Variants in TRPM7 observed in about 807,000 individuals in gnomAD.
TRPM7 encodes transient receptor potential cation channel subfamily M member 7, also known as LTRPC ion channel family member 7.
A neutral mutation model predicts 229.7 loss-of-function variants in TRPM7; 134 were observed. The observed-to-expected ratio is 0.58, with a 90% CI of 0.51 to 0.67. TRPM7 has a LOEUF of 0.67. Among genes scored for constraint, TRPM7 ranks in the 30% least tolerant of loss-of-function variants. TRPM7 has a pLI of 0.00. For missense variants in TRPM7, 1,901 were observed against 2,210.0 expected, an observed-to-expected ratio of 0.86 and a Z score of 2.80; for synonymous variants, 699 against 715.2, an observed-to-expected ratio of 0.98 and a Z score of 0.36.
chr15:50,662,149 T>C (rs1424962044), intron 2 of TRPM7, among the ~76,000 whole-genome samples: 4 of 152,038 alleles, frequency 2.6e-5, no homozygotes, highest in Non-Finnish European at 4.4e-5. Flanking sequence ...GGTCAGGAGA[T>C]TGAACCATCC....
chr15:50,587,447 C>G (rs78774343), intron 27 of TRPM7, among the ~76,000 whole-genome samples: 3,848 of 114,824 alleles, frequency 0.034, 222 homozygotes, highest in African/African-American at 0.12. Context: ...TGCTCCATCT[C>G]AAAAAAAAAG....
chr15:50,642,368 T>C (rs60438857), intron 5 of TRPM7, among the ~76,000 whole-genome samples: 4,543 of 152,286 alleles, frequency 0.03, 247 homozygotes, highest in African/African-American at 0.1. Flanking sequence ...AAAATAGCCA[T>C]AGACAATATA....
In TRPM7 at chr15:50,665,991, T is replaced by C. The variant is rs201031773; in HGVS notation, c.4-2945A>G. ...CTGGGCAACAGAGCGAGACTCTCTCTCAAAAAATAATAATTTAAAAAAAAG... is the reference window on the plus strand; with the variant it reads ...CTGGGCAACAGAGCGAGACTCTCTCCCAAAAAATAATAATTTAAAAAAAAG... On this transcript the variant is annotated intron_variant, in intron 1 of 38. Coordinates refer to ENST00000646667, the MANE Select transcript of TRPM7 (RefSeq NM_017672.6). Among the ~76,000 whole-genome samples, 7 of 151,588 alleles carry C rather than the reference T, an allele frequency of 4.6e-5. No individual in the cohort carries two copies. In the East Asian group the frequency reaches 1.4e-3, roughly 29 times the overall value.
chr15:50,648,420 C>T (rs1158734406), intron 4 of TRPM7, among the ~76,000 whole-genome samples: 2 of 151,650 alleles, frequency 1.3e-5, no homozygotes, highest in Non-Finnish European at 2.9e-5. Flanking sequence ...AGGTTAAAAC[C>T]GAAAAGGAAG....
At chr15:50,614,685 A>C (rs1249969886) in intron 13 of TRPM7, among the ~76,000 whole-genome samples, 1 of 149,218 alleles carries the variant, frequency 6.7e-6, no homozygotes, top group Non-Finnish European at 1.5e-5. Flanking sequence ...AAAAAAAAAA[A>C]AAAAAGCAGC....
At chr15:50,598,427 T>C (rs1217648113) in intron 22 of TRPM7, among the ~76,000 whole-genome samples, 1 of 152,172 alleles carries the variant, frequency 6.6e-6, no homozygotes, top group East Asian at 1.9e-4. Context: ...GAGAATGTAC[T>C]CACAAGCTGC....
At chr15:50,682,899 C>A in intron 1 of TRPM7, among the ~76,000 whole-genome samples, 1 of 143,360 alleles carries the variant, frequency 7.0e-6, no homozygotes, top group Admixed American at 7.1e-5. Context: ...CGGTACCAAA[C>A]TTTTTTTTTT....
chr15:50,599,362 G>T, intron 21 of TRPM7, 66 bp from the exon 22 acceptor site: 1 of 1,251,326 alleles, frequency 8.0e-7, no homozygotes, highest in Non-Finnish European at 1.1e-6. Flanking sequence ...CTTTCTAAAA[G>T]CTTCTAATGT....
chr15:50,679,987 A>G (rs1567130169), intron 1 of TRPM7, among the ~76,000 whole-genome samples: 1 of 150,980 alleles, frequency 6.6e-6, no homozygotes. Context: ...TAATCCCAGC[A>G]CTTTGGGGGG....
At position 50,611,136 on chromosome 15, in the gene TRPM7, A is replaced by G; in HGVS notation, c.2237T>C (p.Met746Thr). 2 of 1,613,928 alleles carry G rather than the reference A, an allele frequency of 1.2e-6. No individual in the cohort carries two copies. The highest frequency in any genetic ancestry group is 1.7e-6 in the Non-Finnish European group (2 of 1,179,882). Residue 746 changes from methionine to threonine, a missense_variant, in exon 17 of 39, where the codon ATG becomes ACG. By Grantham distance (81) the Met-to-Thr change is moderately conservative. Around this residue, in one of 8 missense-constraint regions of TRPM7, gnomAD observed 5 missense variants for 24.6 expected, o/e 0.20. Coordinates refer to ENST00000646667, the MANE Select transcript of TRPM7 (RefSeq NM_017672.6). ...HTCTQMLLSD[M>T]WMGRLNMRKN... The stretch of plus-strand genomic sequence containing the variant: ...CCTCATATTCAGCCTTCCCATCCAC[A>G]TATCAGATAACAACATTTGTGTACA...
intron 6 of TRPM7, among the ~76,000 whole-genome samples, chr15:50,638,854 T>A (rs544421266): frequency 6.6e-6 from 1 of 152,162 alleles, no homozygotes; most frequent in East Asian, 1.9e-4. Flanking sequence ...TTAATTTTTG[T>A]ATTTTTAGTA....
chr15:50,627,676 C>T (rs571560755), intron 11 of TRPM7, among the ~76,000 whole-genome samples: 123 of 151,982 alleles, frequency 8.1e-4, no homozygotes, highest in African/African-American at 2.7e-3. Flanking sequence ...ACAGACTAGA[C>T]CAGGATGATA....
chr15:50,629,488 A>G (rs190154700), intron 10 of TRPM7, among the ~76,000 whole-genome samples: 1 of 149,874 alleles, frequency 6.7e-6, no homozygotes, highest in East Asian at 1.9e-4. Context: ...GCCCAGACTG[A>G]TCTCAAACTC....
Position 50,612,492 on chromosome 15 carries a change from C to A in TRPM7, c.2051+57G>T. ...AGTACGTGGCACTGTAACAGCCACT[C>A]AAACAATACCTACTTTGAATTTTTA... On this transcript the variant is annotated intron_variant, in intron 16 of 38. Coordinates refer to ENST00000646667, the MANE Select transcript of TRPM7 (RefSeq NM_017672.6). The A allele has an allele frequency of 2.6e-6, 4 of 1,540,128 alleles. No homozygotes were observed. The South Asian group carries it at 3.7e-5, about 14-fold the overall frequency.
At position 50,639,515 on chromosome 15, in the gene TRPM7, T is replaced by C. The variant is rs764266763; in HGVS notation, c.569A>G (p.Glu190Gly). ...VAKHVGDALKEHASRSSRKIC... is the reference protein window; with the variant it reads ...VAKHVGDALKGHASRSSRKIC... ...CTTTCGAGATGATCTGGAAGCATGTTCTTTGAGGGCATCTCCAACATGTTT... is the reference window on the plus strand; with the variant it reads ...CTTTCGAGATGATCTGGAAGCATGTCCTTTGAGGGCATCTCCAACATGTTT... The change falls in exon 6 of 39, where the codon GAA becomes GGA. Residue 190 changes from glutamate to glycine, a missense_variant. This residue lies in a region of TRPM7 where 794 missense variants were observed against 881.9 expected (regional missense o/e 0.90). Coordinates refer to ENST00000646667, the MANE Select transcript of TRPM7 (RefSeq NM_017672.6). 2.5e-6 allele frequency: 4 copies of C among 1,611,542 alleles called. No individual in the cohort carries two copies. In the South Asian group the frequency reaches 4.4e-5, roughly 18 times the overall value.
At chr15:50,613,327 C>T (rs2060116247) in intron 15 of TRPM7, among the ~76,000 whole-genome samples, 1 of 151,896 alleles carries the variant, frequency 6.6e-6, no homozygotes, top group Admixed American at 6.6e-5. Context: ...CATGGTGAAA[C>T]CCAGTCTCTA....
intron 16 of TRPM7, 142 bp downstream of exon 16, chr15:50,612,407 C>T (rs2060085143): frequency 1.8e-6 from 1 of 557,992 alleles, no homozygotes; most frequent in Admixed American, 4.0e-5. Flanking sequence ...AAAATATATA[C>T]TTATATAATT....
chr15:50,645,189 G>A (rs2061227105), intron 4 of TRPM7, among the ~76,000 whole-genome samples: 1 of 151,852 alleles, frequency 6.6e-6, no homozygotes, highest in South Asian at 2.1e-4. Context: ...ACAGACACAC[G>A]GCACCCAGCA....
intron 20 of TRPM7, among the ~76,000 whole-genome samples, chr15:50,605,558 T>C (rs1255929149): frequency 2.6e-5 from 4 of 152,248 alleles, no homozygotes; most frequent in African/African-American, 9.6e-5. Flanking sequence ...ATTTAAAACA[T>C]ATGCCTCTTC....
Sources: gnomAD v4.1 joint callset for allele counts (sites outside exome capture counted in the v4.1 genomes callset) on GRCh38, gnomAD v4.1.1 for gene constraint, gnomAD v4.1.1 regional missense constraint, MANE v1.5 for transcripts, NCBI Gene and HGNC (gene_info 2026-07-23, HGNC 2026-07-21) for gene names.